Variants in BANP observed in about 807,000 individuals in gnomAD.
The protein encoded by BANP is BTG3 associated nuclear protein.
BANP carries 11 observed loss-of-function variants against 68.1 expected under a neutral mutation model. The ratio of observed to expected loss-of-function variants is 0.16; its 90% CI spans 0.10 to 0.27. BANP has a LOEUF of 0.27. Ranked by LOEUF, BANP falls within the 10% of genes least tolerant of loss-of-function variation. The pLI is 1.00. For missense variants in BANP, 504 were observed against 722.7 expected (o/e 0.70, Z 3.47); for synonymous variants, 329 against 303.2 (o/e 1.09, Z -0.88).
At chr16:88,034,812 GC>G (rs57351460) in intron 9 of BANP, among the ~76,000 whole-genome samples, 60,926 of 152,028 alleles carry the variant, frequency 0.4, 13,354 homozygotes, top group Non-Finnish European at 0.51. Flanking sequence ...TTACACAGCA[GC>G]CCCCCCTTAC....
chr16:88,048,187 A>T (rs1220617870), intron 11 of BANP, among the ~76,000 whole-genome samples: 1 of 152,260 alleles, frequency 6.6e-6, no homozygotes, highest in Non-Finnish European at 1.5e-5. Context: ...CAGAGTTTAA[A>T]ATAGCAAGAG....
chr16:88,023,653 G>A (rs369640547), intron 7 of BANP, among the ~76,000 whole-genome samples: 40 of 152,302 alleles, frequency 2.6e-4, no homozygotes, highest in African/African-American at 9.4e-4. Context: ...AGCCCTCCTG[G>A]CTCTCTCATC....
At chr16:88,072,485 G>T (rs891918713) in intron 13 of BANP, among the ~76,000 whole-genome samples, 1 of 152,374 alleles carries the variant, frequency 6.6e-6, no homozygotes, top group Admixed American at 6.5e-5. Context: ...GTGAAGCTCT[G>T]CCCTGTCCTC....
intron 3 of BANP, 47 bp from the exon 4 acceptor site, chr16:87,984,013 T>C (rs758214091): frequency 6.3e-7 from 1 of 1,590,502 alleles, no homozygotes; most frequent in East Asian, 2.3e-5. Flanking sequence ...GTTGTCTTCT[T>C]ACAGTTCAGG....
rs1262780361 is a variant in BANP, at chr16:88,002,402, A to G, written c.363-1893A>G. On this transcript the variant is annotated intron_variant, in intron 4 of 13. Coordinates refer to ENST00000682872, the MANE Select transcript of BANP (RefSeq NM_001386991.1). This position sits in a 1 kb window ranked among gnomAD's most constrained non-coding sequence, Gnocchi z 4.6. Reference sequence around the variant, plus strand: ...TTTTGTCACGCCCGTGCTGGTGTTCAGGTGGCCCTGCGCTGGCTCCTGGGG... The same window carrying G: ...TTTTGTCACGCCCGTGCTGGTGTTCGGGTGGCCCTGCGCTGGCTCCTGGGG... 6.6e-6 allele frequency among the ~76,000 whole-genome samples: 1 copy of G among 152,136 alleles called. No homozygotes were observed. Among genetic ancestry groups the G allele is most frequent in the African/African-American group, 2.4e-5 (1 of 41,416 alleles).
Position 88,003,180 on chromosome 16 carries a change from G to A in BANP, c.363-1115G>A, listed in dbSNP as rs2069944298. Among the ~76,000 whole-genome samples, 1 of 152,216 alleles carries A rather than the reference G, an allele frequency of 6.6e-6. No individual in the cohort carries two copies. The highest frequency in any genetic ancestry group is 2.1e-4 in the South Asian group (1 of 4,830). On this transcript the variant is annotated intron_variant, in intron 4 of 13. Transcript: ENST00000682872. The surrounding 1 kb of genome is among the most constrained non-coding windows in gnomAD (Gnocchi z 6.1). ...TCAGGTTTTGCTGTGTTAACGTTAG[G>A]TGTCACCAATAACAAGTAGAGGAAT...
chr16:88,001,414 A>C (rs992542497), intron 4 of BANP, among the ~76,000 whole-genome samples: 13 of 152,260 alleles, frequency 8.5e-5, no homozygotes, highest in African/African-American at 4.8e-5. Flanking sequence ...ATACATGCGC[A>C]GCTGGACTTA....
At chr16:87,965,289 C>A (rs922253640) in intron 1 of BANP, among the ~76,000 whole-genome samples, 20 of 152,080 alleles carry the variant, frequency 1.3e-4, no homozygotes, top group Admixed American at 1.3e-3. Context: ...TGAGTGACAG[C>A]CCGATGGGTG....
chr16:88,055,376 A>G (rs61213683), intron 11 of BANP, among the ~76,000 whole-genome samples: 14,347 of 152,116 alleles, frequency 0.094, 1,548 homozygotes, highest in African/African-American at 0.26. Context: ...TGACGGATCC[A>G]GGGCGTTCCC....
At chr16:87,958,479 A>T (rs1172297640) in intron 1 of BANP, among the ~76,000 whole-genome samples, 1 of 152,216 alleles carries the variant, frequency 6.6e-6, no homozygotes, top group Non-Finnish European at 1.5e-5. Flanking sequence ...GCGGGTGGTT[A>T]TGCACAGCAT....
At chr16:88,042,327 A>C in intron 11 of BANP, among the ~76,000 whole-genome samples, 1 of 152,226 alleles carries the variant, frequency 6.6e-6, no homozygotes, top group East Asian at 1.9e-4. Context: ...GTGGGGACGC[A>C]CTGGCTGCAT....
chr16:88,017,689 G>A (rs894222279), intron 6 of BANP, among the ~76,000 whole-genome samples: 10 of 152,186 alleles, frequency 6.6e-5, no homozygotes, highest in African/African-American at 2.2e-4. Context: ...CCACTCCATC[G>A]TCACAGGAGT....
intron 9 of BANP, among the ~76,000 whole-genome samples, chr16:88,033,781 C>G (rs1048639889): frequency 2.0e-5 from 3 of 152,232 alleles, no homozygotes; most frequent in African/African-American, 7.2e-5. Context: ...GCGGAGTTCT[C>G]TATTGGGGTT....
At chr16:88,037,799 A>G in intron 10 of BANP, 174 bp from the exon 11 acceptor site, 1 of 633,414 alleles carries the variant, frequency 1.6e-6, no homozygotes. Flanking sequence ...GTACCTAGAA[A>G]TGTCAATATT....
rs1598156965 is a variant in BANP, at chr16:87,988,666, A to G, written c.362+4407A>G. On this transcript the variant is annotated intron_variant, in intron 4 of 13. Coordinates refer to ENST00000682872, the MANE Select transcript of BANP (RefSeq NM_001386991.1). ...AAATAGCCCGGGGTTCCCAGGGCTCACTCCTTGCTGTGAGGGATTAGCTGG... is the reference window on the plus strand; with the variant it reads ...AAATAGCCCGGGGTTCCCAGGGCTCGCTCCTTGCTGTGAGGGATTAGCTGG... Among the ~76,000 whole-genome samples the G allele has an allele frequency of 2.0e-5, 3 of 152,056 alleles. No individual in the cohort carries two copies. The East Asian group carries it at 5.8e-4, about 29-fold the overall frequency.
intron 8 of BANP, among the ~76,000 whole-genome samples, chr16:88,032,447 C>G (rs987471179): frequency 6.6e-6 from 1 of 152,182 alleles, no homozygotes; most frequent in African/African-American, 2.4e-5. Context: ...GGTGATCTAC[C>G]TGCCTTGGCC....
At chr16:87,986,853 C>T (rs935859124) in intron 4 of BANP, among the ~76,000 whole-genome samples, 1 of 151,982 alleles carries the variant, frequency 6.6e-6, no homozygotes, top group Non-Finnish European at 1.5e-5. Context: ...TGAGATCTTC[C>T]GGTTTGAAAG....
At chr16:88,034,603 C>G (rs2078910035) in intron 9 of BANP, among the ~76,000 whole-genome samples, 1 of 4,128 alleles carries the variant, frequency 2.4e-4, no homozygotes, top group African/African-American at 3.0e-4. Context: ...CTGCTTCAGC[C>G]ACACACTGCG....
chr16:87,987,954 A>G (rs2064897465), intron 4 of BANP, among the ~76,000 whole-genome samples: 1 of 151,878 alleles, frequency 6.6e-6, no homozygotes. Context: ...GATAGAGATG[A>G]GGTTTTGCCA....
Sources: allele counts gnomAD v4.1 joint callset (sites outside exome capture counted in the v4.1 genomes callset), GRCh38; gene constraint gnomAD v4.1.1; non-coding constraint Gnocchi (gnomAD v3.1); transcripts MANE v1.5; gene names NCBI Gene and HGNC (gene_info 2026-07-23, HGNC 2026-07-21).